KLRG1: variants seen among roughly 807,000 people sequenced by gnomAD.
KLRG1 encodes killer cell lectin-like receptor subfamily G member 1.
A neutral mutation model predicts 21.8 loss-of-function variants in KLRG1; 16 were observed. The observed-to-expected ratio is 0.73, with a 90% confidence interval of 0.50 to 1.11. The LOEUF is 1.11. KLRG1 is among the 50% of genes most tolerant of loss of function. KLRG1 has a pLI of 0.00. For missense variants in KLRG1, 173 were observed against 218.3 expected (o/e 0.79, Z 1.31); for synonymous variants, 69 against 75.9 (o/e 0.91, Z 0.47).
the KLRG1 span, among the ~76,000 whole-genome samples, chr12:9,159,758 T>A: frequency 2.0e-5 from 3 of 151,452 alleles, no homozygotes; most frequent in Non-Finnish European, 4.4e-5. Context: ...CTCAACTAGA[T>A]GCGGCCCCTA....
chr12:9,101,450 A>C, the KLRG1 span: 1 of 1,611,240 alleles, frequency 6.2e-7, no homozygotes, highest in South Asian at 1.1e-5. Context: ...TTCTCACCAG[A>C]TAATAGAAGG....
At chr12:9,052,122 T>A in the KLRG1 span, among the ~76,000 whole-genome samples, 2 of 152,190 alleles carry the variant, frequency 1.3e-5, no homozygotes, top group African/African-American at 2.4e-5. Flanking sequence ...GATCCAATTC[T>A]GAGGATGGAG....
chr12:9,159,617 G>A, the KLRG1 span, among the ~76,000 whole-genome samples: 1 of 151,912 alleles, frequency 6.6e-6, no homozygotes, highest in Non-Finnish European at 1.5e-5. Flanking sequence ...TGCTAGCCCA[G>A]TCTCTACAAA....
At chr12:9,041,497 C>A in the KLRG1 span, among the ~76,000 whole-genome samples, 1 of 152,156 alleles carries the variant, frequency 6.6e-6, no homozygotes, top group Admixed American at 6.6e-5. Context: ...TTTTACTATT[C>A]TTGAATCCAG....
At chr12:9,012,637 G>A (rs1263670433), downstream of KLRG1, among the ~76,000 whole-genome samples, 1 of 151,788 alleles carries the variant, frequency 6.6e-6, no homozygotes, top group Non-Finnish European at 1.5e-5. Context: ...TTTAACCCAA[G>A]ACTAATGGGG....
At chr12:9,154,827 T>C in the KLRG1 span, 1 of 1,613,878 alleles carries the variant, frequency 6.2e-7, no homozygotes, top group Non-Finnish European at 8.5e-7. Context: ...GCGCTCCCAA[T>C]GGACGAGGTT....
At chr12:8,971,742 C>T (rs1442389682) in intron 1 of KLRG1, among the ~76,000 whole-genome samples, 5 of 152,256 alleles carry the variant, frequency 3.3e-5, no homozygotes, top group Non-Finnish European at 5.9e-5. Context: ...CCGCCTGCCT[C>T]GGCCTCCCAA....
the KLRG1 span, chr12:9,095,643 G>C: frequency 2.5e-6 from 4 of 1,612,196 alleles, no homozygotes; most frequent in Non-Finnish European, 2.5e-6. Context: ...TCATTGTCCT[G>C]GTCATTCAAA....
chr12:9,214,030 C>T, the KLRG1 span, among the ~76,000 whole-genome samples: 2 of 151,944 alleles, frequency 1.3e-5, no homozygotes, highest in African/African-American at 4.8e-5. Flanking sequence ...GGGTCCAACT[C>T]CAATCTTTCT....
At chr12:8,964,539 A>G (rs1178471881) in intron 1 of KLRG1, among the ~76,000 whole-genome samples, 1 of 152,006 alleles carries the variant, frequency 6.6e-6, no homozygotes, top group African/African-American at 2.4e-5. Context: ...AGTTCTGTAG[A>G]TGTCTATTAG....
the KLRG1 span, among the ~76,000 whole-genome samples, chr12:9,174,397 C>T: frequency 5.1e-4 from 77 of 152,254 alleles, no homozygotes; most frequent in African/African-American, 1.8e-3. Flanking sequence ...GAGCATTCCC[C>T]TTGAAAACTG....
chr12:9,015,697 G>A (rs1947690442), downstream of KLRG1, among the ~76,000 whole-genome samples: 1 of 152,152 alleles, frequency 6.6e-6, no homozygotes, highest in South Asian at 2.1e-4. Context: ...TCTAATGGCT[G>A]CAGAATATGC....
At chr12:9,173,135 A>G in the KLRG1 span, among the ~76,000 whole-genome samples, 1 of 152,248 alleles carries the variant, frequency 6.6e-6, no homozygotes. Flanking sequence ...TTCAGACGAC[A>G]GTGCAATCAA....
chr12:9,114,915 T>C, the KLRG1 span, among the ~76,000 whole-genome samples: 2 of 152,184 alleles, frequency 1.3e-5, no homozygotes, highest in Non-Finnish European at 2.9e-5. Context: ...ACATATTAGA[T>C]ATAAAATTAA....
chr12:9,116,198 G>A, the KLRG1 span: 3 of 323,986 alleles, frequency 9.3e-6, no homozygotes, highest in South Asian at 5.4e-5. Flanking sequence ...TCCTCACAAC[G>A]CCTTTTATGG....
At chr12:9,028,897 A>C in the KLRG1 span, 2 of 637,474 alleles carry the variant, frequency 3.1e-6, no homozygotes, top group South Asian at 1.4e-5. Context: ...CACCTCCTCC[A>C]TAGTGGCATA....
the KLRG1 span, among the ~76,000 whole-genome samples, chr12:9,059,188 A>C: frequency 6.1e-4 from 93 of 152,352 alleles, no homozygotes; most frequent in Admixed American, 1.4e-3. Flanking sequence ...TTGCAAAGCC[A>C]TCTGTCTCTA....
the KLRG1 span, chr12:9,090,438 T>C: frequency 3.1e-6 from 5 of 1,613,866 alleles, no homozygotes; most frequent in Admixed American, 1.7e-5. Context: ...CCTTCTCCAC[T>C]GGGACAGCTA....
At chr12:9,086,194 A>G in the KLRG1 span, among the ~76,000 whole-genome samples, 6 of 152,186 alleles carry the variant, frequency 3.9e-5, no homozygotes, top group African/African-American at 1.4e-4. Flanking sequence ...ATTACAAAAA[A>G]GAATTACAGA....
Sources: gnomAD v4.1 joint callset for allele counts (sites outside exome capture counted in the v4.1 genomes callset) on GRCh38, gnomAD v4.1.1 for gene constraint, MANE v1.5 for transcripts, NCBI Gene and HGNC (gene_info 2026-07-23, HGNC 2026-07-21) for gene names.